MED13: variants seen among roughly 807,000 people sequenced by gnomAD.
The protein encoded by MED13 is mediator of RNA polymerase II transcription subunit 13.
A neutral mutation model predicts 225.2 loss-of-function variants in MED13; 23 were observed. That is an observed-to-expected ratio of 0.10 (90% CI 0.07 to 0.14). MED13 has a LOEUF of 0.14. Ranked by LOEUF, MED13 falls within the 10% of genes least tolerant of loss-of-function variation. The pLI, the probability that MED13 is intolerant of heterozygous loss-of-function variation, is 1.00. For missense variants in MED13, 2,197 were observed against 2,594.5 expected (o/e 0.85, Z 3.33); for synonymous variants, 942 against 889.2 (o/e 1.06, Z -1.06).
chr17:61,961,926 T>C (rs1175142776), intron 21 of MED13, 147 bp from the exon 22 acceptor site: 2 of 780,636 alleles, frequency 2.6e-6, no homozygotes, highest in African/African-American at 1.8e-5. Flanking sequence ...TTCTTATCTA[T>C]TATGTAGGCT....
At chr17:61,986,430 T>C (rs903847042) in intron 12 of MED13, among the ~76,000 whole-genome samples, 1 of 152,236 alleles carries the variant, frequency 6.6e-6, no homozygotes. Flanking sequence ...TGACAGAGAC[T>C]TGACATTCTA....
chr17:62,033,360 T>G (rs749886802), intron 5 of MED13, among the ~76,000 whole-genome samples: 9 of 152,136 alleles, frequency 5.9e-5, no homozygotes, highest in Non-Finnish European at 1.0e-4. Flanking sequence ...CATTCACAAT[T>G]AACTGTCCCA....
At chr17:61,969,390 T>C (rs1034391528) in intron 17 of MED13, among the ~76,000 whole-genome samples, 1 of 151,774 alleles carries the variant, frequency 6.6e-6, no homozygotes, top group African/African-American at 2.4e-5. Context: ...AAAAATACAC[T>C]GTAGGCCAGG....
In MED13 at chr17:62,010,723, T is replaced by C. The variant is rs2080499227; in HGVS notation, c.1794A>G (p.Val598=). The change falls in exon 9 of 30, where the codon GTA becomes GTG. Residue 598 remains valine, a synonymous_variant. Coordinates refer to ENST00000397786, the MANE Select transcript of MED13 (RefSeq NM_005121.3). The part of the protein sequence containing the change: ...PQYQEAVEPT[V]YVGTAVNLEE... ...CCAAGTTTACTGCTGTACCAACATA[T>C]ACTGTAGGTTCTACAGCTTCCTGAT... 5.0e-6 allele frequency: 8 copies of C among 1,611,696 alleles called. No homozygotes were observed. The highest frequency in any genetic ancestry group is 6.8e-6 in the Non-Finnish European group (8 of 1,178,612).
chr17:61,974,761 C>T (rs2143419384), intron 16 of MED13, among the ~76,000 whole-genome samples: 1 of 152,072 alleles, frequency 6.6e-6, no homozygotes, highest in South Asian at 2.1e-4. Context: ...CTTCCATATA[C>T]TATACACAAA....
chr17:62,058,023 T>A (rs1224241527), intron 2 of MED13, among the ~76,000 whole-genome samples: 1 of 151,900 alleles, frequency 6.6e-6, no homozygotes, highest in African/African-American at 2.4e-5. Flanking sequence ...CACAGAAAAC[T>A]CTCCTTCAAG....
chr17:62,062,596 CACACCA>C (rs1423833171), intron 2 of MED13, among the ~76,000 whole-genome samples: 8 of 58,784 alleles, frequency 1.4e-4, no homozygotes, highest in South Asian at 3.9e-4. Context: ...CACACACACA[CACACCA>C]CACACACACA....
intron 4 of MED13, among the ~76,000 whole-genome samples, chr17:62,035,139 C>T (rs1456489236): frequency 6.6e-6 from 1 of 151,810 alleles, no homozygotes; most frequent in Non-Finnish European, 1.5e-5. Context: ...AAAACAAAAA[C>T]AAACAAACAA....
chr17:61,943,815 C>T lies in MED13; in HGVS notation c.*2653G>A, dbSNP rs1353556205. On this transcript the variant is annotated 3_prime_UTR_variant, in exon 30 of 30. Transcript: ENST00000397786. Reference sequence around the variant, plus strand: ...TTTTAAATGACAAAATACTGAACTTCCACCCTGCTTAATAATCATGGATAC... The same window carrying T: ...TTTTAAATGACAAAATACTGAACTTTCACCCTGCTTAATAATCATGGATAC... 1.3e-5 allele frequency: 2 copies of T among 152,476 alleles called. No individual in the cohort carries two copies. Among genetic ancestry groups the T allele is most frequent in the African/African-American group, 2.4e-5 (1 of 41,434 alleles). 9.4% of individuals were successfully genotyped at this position (152,476 alleles called of 1,614,324 possible).
At chr17:62,064,872 A>G (rs1390385350) in intron 1 of MED13, among the ~76,000 whole-genome samples, 1 of 152,242 alleles carries the variant, frequency 6.6e-6, no homozygotes, top group Admixed American at 6.5e-5. Flanking sequence ...CCAGATAAGG[A>G]GCTCAAGTTG....
intron 16 of MED13, among the ~76,000 whole-genome samples, chr17:61,980,558 T>C (rs2080195208): frequency 6.6e-6 from 1 of 152,234 alleles, no homozygotes; most frequent in Non-Finnish European, 1.5e-5. Context: ...TCATCTTTCC[T>C]TACACGTCTT....
At chr17:62,008,424 C>G (rs2080475233) in intron 9 of MED13, among the ~76,000 whole-genome samples, 1 of 150,218 alleles carries the variant, frequency 6.7e-6, no homozygotes, top group South Asian at 2.1e-4. Flanking sequence ...TGTGACATTT[C>G]TAAAGCTAAG....
chr17:62,034,144 G>A (rs940900520), intron 4 of MED13, among the ~76,000 whole-genome samples, 160 bp from the exon 5 acceptor site: 1 of 152,204 alleles, frequency 6.6e-6, no homozygotes, highest in Non-Finnish European at 1.5e-5. Flanking sequence ...CTTCGTTACT[G>A]TGAAGATAAA....
chr17:62,002,801 A>AT (rs1279908421), intron 9 of MED13, among the ~76,000 whole-genome samples: 1 of 152,254 alleles, frequency 6.6e-6, no homozygotes, highest in Admixed American at 6.5e-5. Context: ...AATCTCCCCA[A>AT]TGAAGTCAAT....
At chr17:61,964,958 GCAT>G (rs1395367386) in intron 20 of MED13, 45 bp downstream of exon 20, 2 of 1,519,826 alleles carry the variant, frequency 1.3e-6, no homozygotes, top group African/African-American at 2.8e-5. Flanking sequence ...GAAAGAAGCA[GCAT>G]CATAGTTTTT....
intron 2 of MED13, 67 bp downstream of exon 2, chr17:62,063,000 T>C: frequency 8.1e-7 from 1 of 1,234,960 alleles, no homozygotes; most frequent in South Asian, 1.3e-5. Context: ...TTGTAATACA[T>C]ATGACATTCT....
intron 9 of MED13, among the ~76,000 whole-genome samples, chr17:61,999,201 C>T (rs2080372579): frequency 6.6e-6 from 1 of 152,110 alleles, no homozygotes; most frequent in African/African-American, 2.4e-5. Flanking sequence ...ACCACTAACA[C>T]AACATAGGAG....
At chr17:61,995,049 T>C (rs2080335767) in intron 10 of MED13, 103 bp downstream of exon 10, 5 of 883,500 alleles carry the variant, frequency 5.7e-6, no homozygotes, top group Non-Finnish European at 8.7e-6. Context: ...ACTCTTTCTA[T>C]TCTAAGACAA....
chr17:62,026,202 T>C (rs569387172), intron 8 of MED13, among the ~76,000 whole-genome samples: 2 of 152,298 alleles, frequency 1.3e-5, no homozygotes, highest in East Asian at 3.9e-4. Flanking sequence ...CAACATAATT[T>C]TAAAACTTCT....
Sources: allele counts gnomAD v4.1 joint callset (sites outside exome capture counted in the v4.1 genomes callset), GRCh38; gene constraint gnomAD v4.1.1; transcripts MANE v1.5; gene names NCBI Gene and HGNC (gene_info 2026-07-23, HGNC 2026-07-21).